CDH13: variants seen among roughly 807,000 people sequenced by gnomAD.
CDH13 encodes the protein cadherin-13.
In CDH13, 24 loss-of-function variants were observed where a neutral mutation model predicts 63.8. The observed-to-expected ratio is 0.38, with a 90% confidence interval of 0.27 to 0.53. The LOEUF is 0.53. Among genes scored for constraint, CDH13 ranks in the 20% least tolerant of loss-of-function variants. CDH13 has a pLI of 0.85. For missense variants in CDH13, 1,049 were observed against 903.1 expected, an observed-to-expected ratio of 1.16 and a Z score of -2.07; for synonymous variants, 503 against 355.3, an observed-to-expected ratio of 1.42 and a Z score of -4.67.
At chr16:83,012,103 G>C (rs1479183215) in intron 2 of CDH13, among the ~76,000 whole-genome samples, 1 of 152,054 alleles carries the variant, frequency 6.6e-6, no homozygotes, top group Non-Finnish European at 1.5e-5. Flanking sequence ...TGATACACTG[G>C]CTTAAAAAAC....
intron 3 of CDH13, among the ~76,000 whole-genome samples, chr16:83,110,896 TTTC>T (rs1435095673): frequency 6.6e-6 from 1 of 151,740 alleles, no homozygotes; most frequent in Non-Finnish European, 1.5e-5. Flanking sequence ...CTTTTCCTGT[TTTC>T]TTGTTACTCA....
intron 3 of CDH13, among the ~76,000 whole-genome samples, chr16:83,104,152 T>C (rs1346056546): frequency 6.6e-6 from 1 of 152,226 alleles, no homozygotes; most frequent in Non-Finnish European, 1.5e-5. Flanking sequence ...AAAGCTGTTG[T>C]TGTTTTACCA....
intron 2 of CDH13, among the ~76,000 whole-genome samples, chr16:82,950,626 C>G (rs1033046167): frequency 6.6e-6 from 1 of 152,136 alleles, no homozygotes; most frequent in African/African-American, 2.4e-5. Context: ...CCACGTGTAA[C>G]TGTGAGTCCA....
chr16:83,254,094 C>G (rs768469910), intron 5 of CDH13, among the ~76,000 whole-genome samples: 14 of 152,134 alleles, frequency 9.2e-5, no homozygotes, highest in Non-Finnish European at 2.9e-5. Context: ...AAGATGGAAG[C>G]AAGACAGATA....
At position 82,654,436 on chromosome 16, in the gene CDH13, G is replaced by T. The variant is rs1911071836; in HGVS notation, c.45+27299G>T. On this transcript the variant is annotated intron_variant, in intron 1 of 13. Coordinates refer to ENST00000567109, the MANE Select transcript of CDH13 (RefSeq NM_001257.5). ...GTTTGAAAACTTCTCTTGGTTCTCA[G>T]AATGCAATTCTGACAGTGCTGAAGG... Among the ~76,000 whole-genome samples, 3 of 152,300 alleles carry T rather than the reference G, an allele frequency of 2.0e-5. No homozygotes were observed. In the South Asian group the frequency reaches 6.2e-4, roughly 32 times the overall value.
intron 11 of CDH13, among the ~76,000 whole-genome samples, chr16:83,777,642 AC>A (rs1915214467): frequency 6.6e-6 from 1 of 152,192 alleles, no homozygotes; most frequent in Non-Finnish European, 1.5e-5. Flanking sequence ...CATCATGCCC[AC>A]GCCTGCTTCT....
intron 8 of CDH13, among the ~76,000 whole-genome samples, chr16:83,618,675 G>A (rs2150773982): frequency 1.3e-5 from 2 of 152,094 alleles, no homozygotes; most frequent in Admixed American, 1.3e-4. Flanking sequence ...TTCCATCTCA[G>A]AAGTGAATAA....
intron 3 of CDH13, among the ~76,000 whole-genome samples, chr16:83,102,602 G>T (rs1295165983): frequency 9.9e-5 from 15 of 152,148 alleles, no homozygotes; most frequent in Non-Finnish European, 4.4e-5. Flanking sequence ...AAGCAGAGGA[G>T]GGACATCACC....
chr16:83,736,032 T>A (rs924015148), intron 10 of CDH13: 11 of 152,200 alleles, frequency 7.2e-5, no homozygotes, highest in Admixed American at 6.5e-4. Flanking sequence ...GGTACCAAAC[T>A]CCAAGTCGTC....
intron 3 of CDH13, among the ~76,000 whole-genome samples, chr16:83,075,374 G>C (rs1263193699): frequency 6.6e-6 from 1 of 152,194 alleles, no homozygotes; most frequent in Non-Finnish European, 1.5e-5. Context: ...AGCTCTCCCT[G>C]TTAGCGCTAG....
At chr16:83,260,889 A>G (rs768382042) in intron 5 of CDH13, among the ~76,000 whole-genome samples, 4 of 152,146 alleles carry the variant, frequency 2.6e-5, no homozygotes, top group Non-Finnish European at 5.9e-5. Flanking sequence ...CATAGCTCCT[A>G]GAACTGACAG....
intron 4 of CDH13, chr16:83,180,901 T>C (rs985676481): frequency 3.3e-6 from 5 of 1,532,210 alleles, no homozygotes; most frequent in Admixed American, 2.0e-5. Flanking sequence ...AGCGAACTTC[T>C]CTTGAATGAA....
At chr16:82,634,605 T>C (rs1184110694) in intron 1 of CDH13, among the ~76,000 whole-genome samples, 1 of 152,242 alleles carries the variant, frequency 6.6e-6, no homozygotes, top group South Asian at 2.1e-4. Context: ...TATTCATTTA[T>C]GTAATTGTTT....
At chr16:82,986,175 A>C (rs928693164) in intron 2 of CDH13, among the ~76,000 whole-genome samples, 1 of 152,216 alleles carries the variant, frequency 6.6e-6, no homozygotes, top group Non-Finnish European at 1.5e-5. Flanking sequence ...TGTGCCTGCA[A>C]GTTCAGCCAG....
intron 1 of CDH13, among the ~76,000 whole-genome samples, chr16:82,752,391 C>A (rs917943051): frequency 1.3e-5 from 2 of 152,126 alleles, no homozygotes; most frequent in African/African-American, 4.8e-5. Flanking sequence ...CTGTCCCCTC[C>A]CCTACCCACC....
chr16:83,117,716 C>T (rs1476167078), intron 3 of CDH13, among the ~76,000 whole-genome samples: 2 of 152,118 alleles, frequency 1.3e-5, no homozygotes, highest in South Asian at 4.1e-4. Context: ...TTCTCTCGCT[C>T]CTTCTCACGT....
At chr16:82,921,577 T>TGCAG (rs1476387359) in intron 2 of CDH13, among the ~76,000 whole-genome samples, 2 of 152,206 alleles carry the variant, frequency 1.3e-5, no homozygotes, top group African/African-American at 4.8e-5. Context: ...ATTTACAGGT[T>TGCAG]GCAGGGCTCA....
chr16:83,669,669 A>T lies in CDH13; in HGVS notation c.1102-1121A>T, dbSNP rs1321755210. ...GCCCTGTCCCCTGAGAGGCCTCAGGATTAAGGTTTATGATTAATGATTTCC... is the reference window on the plus strand; with the variant it reads ...GCCCTGTCCCCTGAGAGGCCTCAGGTTTAAGGTTTATGATTAATGATTTCC... On this transcript the variant is annotated intron_variant, in intron 8 of 13. Transcript: ENST00000567109. Among the ~76,000 whole-genome samples the T allele has an allele frequency of 2.0e-5, 3 of 152,296 alleles. No individual in the cohort carries two copies. The East Asian group carries it at 5.8e-4, about 29-fold the overall frequency.
intron 2 of CDH13, among the ~76,000 whole-genome samples, chr16:82,888,011 G>A (rs773683184): frequency 3.9e-5 from 6 of 152,096 alleles, no homozygotes; most frequent in Admixed American, 6.5e-5. Flanking sequence ...AGAAAAGTAC[G>A]GTTTTGGCCA....
Sources: allele counts gnomAD v4.1 joint callset (sites outside exome capture counted in the v4.1 genomes callset), GRCh38; gene constraint gnomAD v4.1.1; transcripts MANE v1.5; gene names NCBI Gene and HGNC (gene_info 2026-07-23, HGNC 2026-07-21).